ELOVL2: variants seen among roughly 807,000 people sequenced by gnomAD.
The protein encoded by ELOVL2 is ELOVL fatty acid elongase 2.
A neutral mutation model predicts 37.7 loss-of-function variants in ELOVL2; 38 were observed. The ratio of observed to expected loss-of-function variants is 1.01; its 90% CI spans 0.78 to 1.32. The LOEUF (loss-of-function observed/expected upper bound fraction) is 1.32, where lower values mean the gene tolerates loss of function less well. ELOVL2 is among the 40% of genes most tolerant of loss of function. The pLI is 0.00. For synonymous variants in ELOVL2, 115 were observed against 122.3 expected (o/e 0.94, Z 0.40); for missense variants, 352 against 363.6 (o/e 0.97, Z 0.26).
intron 1 of ELOVL2, among the ~76,000 whole-genome samples, chr6:11,040,640 T>C (rs1310183428): frequency 2.6e-5 from 4 of 152,178 alleles, no homozygotes; most frequent in Non-Finnish European, 5.9e-5. Flanking sequence ...AGTTGTATAT[T>C]AAGACCACAA....
chr6:10,990,218 G>T, intron 6 of ELOVL2, 100 bp downstream of exon 6: 2 of 1,465,958 alleles, frequency 1.4e-6, no homozygotes, highest in Non-Finnish European at 1.8e-6. Flanking sequence ...AAAATGGGCA[G>T]CCTCATCACA....
At chr6:11,032,160 C>G (rs550084918) in intron 1 of ELOVL2, among the ~76,000 whole-genome samples, 1 of 152,236 alleles carries the variant, frequency 6.6e-6, no homozygotes, top group East Asian at 1.9e-4. Flanking sequence ...TTATCCATAT[C>G]ATGTAGAGTT....
intron 1 of ELOVL2, among the ~76,000 whole-genome samples, chr6:11,036,896 TCAAAGCATGA>T (rs1297777800): frequency 2.0e-5 from 3 of 146,788 alleles, no homozygotes; most frequent in African/African-American, 7.9e-5. Context: ...TTTTCTTCTT[TCAAAGCATGA>T]GTTAATTTTT....
chr6:11,024,146 G>T (rs887158989), intron 1 of ELOVL2, among the ~76,000 whole-genome samples: 8 of 152,186 alleles, frequency 5.3e-5, no homozygotes, highest in African/African-American at 1.9e-4. Context: ...AGAGGCAAAA[G>T]ACAAAGTTAT....
intron 6 of ELOVL2, 130 bp from the exon 7 acceptor site, chr6:10,989,967 G>A: frequency 7.8e-6 from 8 of 1,022,788 alleles, no homozygotes; most frequent in Non-Finnish European, 1.1e-5. Flanking sequence ...AAACAAAGCT[G>A]CTGAAGCAGC....
At chr6:11,022,552 TGA>T (rs1397976636) in intron 1 of ELOVL2, among the ~76,000 whole-genome samples, 1 of 152,172 alleles carries the variant, frequency 6.6e-6, no homozygotes, top group Non-Finnish European at 1.5e-5. Context: ...AGGGAATTTG[TGA>T]GGAGCTGGGG....
intron 1 of ELOVL2, among the ~76,000 whole-genome samples, chr6:11,014,284 G>A (rs1581873515): frequency 1.3e-5 from 2 of 152,228 alleles, no homozygotes; most frequent in Middle Eastern, 6.8e-3. Context: ...TTCGAAACCG[G>A]TTTGGCCAAC....
chr6:11,009,007 G>A (rs55859101), intron 2 of ELOVL2, among the ~76,000 whole-genome samples: 8,469 of 152,236 alleles, frequency 0.056, 766 homozygotes, highest in African/African-American at 0.19. Context: ...ACAGTTCTGT[G>A]AGCCAATAAG....
intron 1 of ELOVL2, among the ~76,000 whole-genome samples, chr6:11,018,307 C>T (rs1782715153): frequency 6.6e-6 from 1 of 152,010 alleles, no homozygotes; most frequent in Admixed American, 6.6e-5. Context: ...TCAATAATTC[C>T]AACCTATACT....
chr6:11,001,384 C>T (rs988992904), intron 3 of ELOVL2, among the ~76,000 whole-genome samples: 9 of 152,170 alleles, frequency 5.9e-5, no homozygotes, highest in Admixed American at 5.2e-4. Context: ...CCCAGTATCT[C>T]CCAGGGGATT....
Position 10,990,448 on chromosome 6 carries a change from A to G in ELOVL2, c.506-6T>C. 1.3e-6 allele frequency: 2 copies of G among 1,581,918 alleles called. No individual in the cohort carries two copies. The highest frequency in any genetic ancestry group is 1.7e-6 in the Non-Finnish European group (2 of 1,170,334). ...CAGTGTTGGTCCAAAGAAACCTATA[A>G]AAGTACAGTATAAAAATCACTATTC... On this transcript the variant is annotated splice_region_variant and splice_polypyrimidine_tract_variant and intron_variant, in intron 5 of 7. Transcript: ENST00000354666.
At chr6:11,011,792 G>A (rs1266902962) in intron 1 of ELOVL2, among the ~76,000 whole-genome samples, 5 of 152,040 alleles carry the variant, frequency 3.3e-5, no homozygotes, top group African/African-American at 1.2e-4. Flanking sequence ...CTGCTCTCAC[G>A]CTGCTCAAAA....
chr6:11,035,511 G>GT, intron 1 of ELOVL2, among the ~76,000 whole-genome samples: 1 of 152,284 alleles, frequency 6.6e-6, no homozygotes, highest in East Asian at 1.9e-4. Context: ...GCTGAGTACT[G>GT]TGGTGTCACA....
In ELOVL2 at chr6:11,044,178, G is replaced by T. The variant is rs761969783; in HGVS notation, c.3+50C>A. Reference sequence around the variant, plus strand: ...TTTCCCGCCCGGTGCGTGGGTCCAGGAGAGAAAGAAAGCGCGGCGGTGTCG... The same window carrying T: ...TTTCCCGCCCGGTGCGTGGGTCCAGTAGAGAAAGAAAGCGCGGCGGTGTCG... On this transcript the variant is annotated intron_variant, in intron 1 of 7. Coordinates refer to ENST00000354666, the MANE Select transcript of ELOVL2 (RefSeq NM_017770.4). The surrounding 1 kb of genome is among the most constrained non-coding windows in gnomAD (Gnocchi z 5.6). 4.1e-6 allele frequency: 6 copies of T among 1,456,746 alleles called. No individual in the cohort carries two copies. The allele number at this position is 1,456,746 out of a possible 1,614,324, so 90.2% of individuals were successfully genotyped here.
At chr6:11,007,124 T>C (rs1782494778) in intron 2 of ELOVL2, among the ~76,000 whole-genome samples, 1 of 152,192 alleles carries the variant, frequency 6.6e-6, no homozygotes, top group South Asian at 2.1e-4. Flanking sequence ...ATCATCCCAG[T>C]TTACCCTTAA....
chr6:10,989,642 A>C, intron 7 of ELOVL2, 61 bp downstream of exon 7: 2 of 1,181,540 alleles, frequency 1.7e-6, no homozygotes, highest in Middle Eastern at 2.3e-4. Context: ...TCTGTCTCCA[A>C]AAAAAAAAAA....
intron 1 of ELOVL2, among the ~76,000 whole-genome samples, chr6:11,031,285 T>G (rs988305922): frequency 6.6e-6 from 1 of 152,208 alleles, no homozygotes; most frequent in African/African-American, 2.4e-5. Context: ...TGAGAATTTC[T>G]TTGGGAATAA....
At chr6:10,991,889 G>A (rs960358200) in intron 5 of ELOVL2, among the ~76,000 whole-genome samples, 2 of 152,160 alleles carry the variant, frequency 1.3e-5, no homozygotes, top group African/African-American at 4.8e-5. Flanking sequence ...CTGTGATACA[G>A]ATTAAGGCAT....
intron 1 of ELOVL2, among the ~76,000 whole-genome samples, chr6:11,025,848 T>A (rs891637270): frequency 5.9e-5 from 9 of 152,228 alleles, no homozygotes; most frequent in African/African-American, 2.2e-4. Flanking sequence ...CAAAAATAAT[T>A]TTTCTTTTTA....
Sources: gnomAD v4.1 joint callset for allele counts (sites outside exome capture counted in the v4.1 genomes callset) on GRCh38, gnomAD v4.1.1 for gene constraint, Gnocchi (gnomAD v3.1) non-coding constraint, MANE v1.5 for transcripts, NCBI Gene and HGNC (gene_info 2026-07-23, HGNC 2026-07-21) for gene names.